The following VWA8 variants were observed in gnomAD, a reference collection of about 807,000 sequenced individuals.
VWA8 encodes the protein von Willebrand factor A domain-containing protein 8.
A neutral mutation model predicts 241.5 loss-of-function variants in VWA8; 221 were observed. That is an observed-to-expected ratio of 0.91 (90% CI 0.82 to 1.02). VWA8 has a LOEUF of 1.02. Ranked by LOEUF, VWA8 falls within the 50% of genes least tolerant of loss-of-function variation. The pLI is 0.00. For missense variants in VWA8, 2,322 were observed against 2,328.7 expected, an observed-to-expected ratio of 1.00 and a Z score of 0.06; for synonymous variants, 852 against 827.1, an observed-to-expected ratio of 1.03 and a Z score of -0.52.
rs142043894 is a variant in VWA8, at chr13:41,900,666, A to C, written c.483+6920T>G. Among the ~76,000 whole-genome samples the C allele has an allele frequency of 6.3e-3, 955 of 152,290 alleles. 6 individuals carry two copies. Among genetic ancestry groups the C allele is most frequent in the African/African-American group, 0.022 (908 of 41,560 alleles). On this transcript the variant is annotated intron_variant, in intron 4 of 44. Transcript: ENST00000379310. ...CTCAAGGGGTATTATACAGTGTAAC[A>C]GTTTAAGAGTCAAAGCAGTACTGCA...
chr13:41,665,394 G>T (rs2044979251), intron 37 of VWA8, among the ~76,000 whole-genome samples: 1 of 152,018 alleles, frequency 6.6e-6, no homozygotes, highest in Non-Finnish European at 1.5e-5. Flanking sequence ...GTTGAACCAG[G>T]ATTTTAATCT....
At chr13:41,571,603 G>A (rs1226556956) in intron 43 of VWA8, among the ~76,000 whole-genome samples, 2 of 152,170 alleles carry the variant, frequency 1.3e-5, no homozygotes, top group African/African-American at 2.4e-5. Context: ...ACCTGCCTCC[G>A]CCTCCCGAGG....
intron 37 of VWA8, among the ~76,000 whole-genome samples, chr13:41,617,100 C>A (rs769395928): frequency 1.5e-4 from 23 of 151,852 alleles, no homozygotes; most frequent in Non-Finnish European, 2.2e-4. Flanking sequence ...CAGAATGGAA[C>A]TTACATATGG....
At chr13:41,762,484 T>C (rs1363814819) in intron 20 of VWA8, among the ~76,000 whole-genome samples, 1 of 152,142 alleles carries the variant, frequency 6.6e-6, no homozygotes, top group African/African-American at 2.4e-5. Context: ...ATTCTGATGC[T>C]CATAATTATA....
At chr13:41,632,683 A>C (rs1166427376) in intron 37 of VWA8, among the ~76,000 whole-genome samples, 1 of 152,150 alleles carries the variant, frequency 6.6e-6, no homozygotes, top group Non-Finnish European at 1.5e-5. Context: ...TTACCATCTT[A>C]GGCCACAATA....
intron 9 of VWA8, among the ~76,000 whole-genome samples, chr13:41,872,127 T>G (rs936759007): frequency 5.9e-5 from 9 of 152,348 alleles, no homozygotes; most frequent in African/African-American, 2.2e-4. Flanking sequence ...TCTGTTCATG[T>G]CCTTCACCCA....
intron 2 of VWA8, among the ~76,000 whole-genome samples, chr13:41,913,893 T>C (rs1876126912): frequency 6.6e-6 from 1 of 152,326 alleles, no homozygotes; most frequent in South Asian, 2.1e-4. Flanking sequence ...CCTAGCGGGA[T>C]AAAAGTTGGT....
chr13:41,746,509 T>C (rs1226869838), intron 21 of VWA8, among the ~76,000 whole-genome samples: 1 of 152,052 alleles, frequency 6.6e-6, no homozygotes, highest in Non-Finnish European at 1.5e-5. Flanking sequence ...GTGGGTACAC[T>C]GAAAGAAAGG....
chr13:41,910,220 C>G (rs17638087), intron 3 of VWA8, among the ~76,000 whole-genome samples: 14,294 of 152,162 alleles, frequency 0.094, 857 homozygotes, highest in African/African-American at 0.17. Context: ...CAATAAGCTT[C>G]AAAGCCTTGC....
intron 42 of VWA8, among the ~76,000 whole-genome samples, chr13:41,577,201 T>C (rs1298620064): frequency 1.3e-5 from 2 of 152,148 alleles, no homozygotes; most frequent in East Asian, 1.9e-4. Context: ...GGGAGGGTCA[T>C]GGTCAGAGGA....
In VWA8 at chr13:41,585,927, G is replaced by A. The variant is rs186348254; in HGVS notation, c.5271+1585C>T. On this transcript the variant is annotated intron_variant, in intron 42 of 44. Transcript: ENST00000379310. The stretch of plus-strand genomic sequence containing the variant: ...ACCTCCATATAGCTCAAAGAGAGCC[G>A]AGGAACACTGAAATTCAAGATCCAT... Among the ~76,000 whole-genome samples the A allele has an allele frequency of 2.1e-3, 317 of 150,240 alleles. 1 individual carries two copies. The highest frequency in any genetic ancestry group is 3.3e-3 in the Non-Finnish European group (224 of 67,586).
At chr13:41,837,691 A>C (rs963605700) in intron 12 of VWA8, among the ~76,000 whole-genome samples, 3 of 152,184 alleles carry the variant, frequency 2.0e-5, no homozygotes, top group Admixed American at 6.5e-5. Context: ...TCCCATCTAC[A>C]TGCACATTGC....
At chr13:41,921,797 A>G (rs1420266154) in intron 2 of VWA8, among the ~76,000 whole-genome samples, 3 of 152,242 alleles carry the variant, frequency 2.0e-5, no homozygotes, top group South Asian at 4.1e-4. Flanking sequence ...ACACAAACAA[A>G]TGGAAGAACA....
intron 42 of VWA8, among the ~76,000 whole-genome samples, chr13:41,576,477 G>A (rs1158069519): frequency 6.6e-6 from 1 of 152,194 alleles, no homozygotes; most frequent in African/African-American, 2.4e-5. Flanking sequence ...AACTGAAACT[G>A]CTGTGTTTTA....
chr13:41,891,803 G>A (rs529164583), intron 4 of VWA8, among the ~76,000 whole-genome samples: 6 of 151,986 alleles, frequency 3.9e-5, no homozygotes, highest in African/African-American at 1.2e-4. Flanking sequence ...TAAAATAAAG[G>A]GATTGAAAAA....
intron 9 of VWA8, among the ~76,000 whole-genome samples, chr13:41,875,726 A>G (rs925116689): frequency 2.0e-5 from 3 of 152,056 alleles, no homozygotes; most frequent in Non-Finnish European, 4.4e-5. Context: ...AAGGTACTTC[A>G]GGAGTGGAAC....
intron 9 of VWA8, among the ~76,000 whole-genome samples, chr13:41,868,844 C>T (rs758807699): frequency 1.2e-4 from 16 of 138,850 alleles, no homozygotes; most frequent in South Asian, 2.3e-4. Flanking sequence ...GCCGAGATCG[C>T]GCCACTGCAC....
chr13:41,736,753 C>T (rs763177606), intron 21 of VWA8, among the ~76,000 whole-genome samples: 23 of 151,278 alleles, frequency 1.5e-4, no homozygotes, highest in Non-Finnish European at 2.9e-4. Flanking sequence ...GAATGGTCCA[C>T]GCAATAATAC....
chr13:41,830,013 C>T (rs990704217), intron 14 of VWA8, among the ~76,000 whole-genome samples: 2 of 152,158 alleles, frequency 1.3e-5, no homozygotes, highest in Non-Finnish European at 2.9e-5. Context: ...GAGGCCAAGG[C>T]GGGCGGATCA....
Sources: gnomAD v4.1 joint callset for allele counts (sites outside exome capture counted in the v4.1 genomes callset) on GRCh38, gnomAD v4.1.1 for gene constraint, MANE v1.5 for transcripts, NCBI Gene and HGNC (gene_info 2026-07-23, HGNC 2026-07-21) for gene names.